The following DOCK1 variants were observed in gnomAD, a reference collection of about 807,000 sequenced individuals.
DOCK1 encodes the protein dedicator of cytokinesis protein 1.
Under a neutral mutation model 262.7 loss-of-function variants are expected in DOCK1, and 138 were observed. The observed-to-expected ratio is 0.53, with a 90% CI of 0.46 to 0.61. DOCK1 has a LOEUF of 0.61. DOCK1 is among the 20% of genes least tolerant of loss of function. The probability of loss-of-function intolerance (pLI) is 0.00; values close to 1 mark genes in which losing one functional copy is unlikely to be tolerated. For synonymous variants in DOCK1, 866 were observed against 867.4 expected, an observed-to-expected ratio of 1.00 and a Z score of 0.03; for missense variants, 1,908 against 2,370.7, an observed-to-expected ratio of 0.80 and a Z score of 4.05.
intron 28 of DOCK1, among the ~76,000 whole-genome samples, chr10:127,249,010 C>A (rs1431990186): frequency 6.6e-6 from 1 of 152,086 alleles, no homozygotes; most frequent in African/African-American, 2.4e-5. Context: ...CCGAAACCTG[C>A]CCCACCACCC....
At chr10:127,290,388 G>C (rs1460139480) in intron 29 of DOCK1, among the ~76,000 whole-genome samples, 1 of 152,140 alleles carries the variant, frequency 6.6e-6, no homozygotes, top group East Asian at 1.9e-4. Context: ...GTAGTTTTGA[G>C]TGGAAGGCAG....
Position 127,018,861 on chromosome 10 carries a change from C to T in DOCK1, c.1327+26C>T, listed in dbSNP as rs756134921. The T allele has an allele frequency of 4.0e-5, 65 of 1,610,916 alleles. No individual in the cohort carries two copies. In the East Asian group the frequency reaches 1.4e-3, roughly 34 times the overall value. ...GTAAGAACTGGCTTGTTCAGGGCTT[C>T]TCAGCATGGCATGGGGGTAGCCGGC... On this transcript the variant is annotated intron_variant, in intron 13 of 51. Transcript: ENST00000623213.
intron 48 of DOCK1, among the ~76,000 whole-genome samples, chr10:127,436,970 C>A (rs2069727892): frequency 6.6e-6 from 1 of 151,988 alleles, no homozygotes; most frequent in Non-Finnish European, 1.5e-5. Flanking sequence ...TGTGGGAAAT[C>A]CTAGGTTGTG....
chr10:127,098,202 G>C (rs1333762379), intron 23 of DOCK1, among the ~76,000 whole-genome samples: 1 of 152,188 alleles, frequency 6.6e-6, no homozygotes, highest in Non-Finnish European at 1.5e-5. Context: ...GATCTTCACT[G>C]ATTTACAAAA....
chr10:127,444,309 G>A (rs370861494), intron 50 of DOCK1, 30 bp downstream of exon 50: 68 of 1,561,016 alleles, frequency 4.4e-5, no homozygotes, highest in Middle Eastern at 1.7e-4. Context: ...CATACGAATC[G>A]TGCTATAGCT....
At chr10:127,232,633 A>T (rs892265697) in intron 27 of DOCK1, among the ~76,000 whole-genome samples, 1 of 152,170 alleles carries the variant, frequency 6.6e-6, no homozygotes, top group Non-Finnish European at 1.5e-5. Flanking sequence ...CCCTGTTTCC[A>T]TTTAACCAAT....
At chr10:127,163,709 C>T (rs948696776) in intron 27 of DOCK1, among the ~76,000 whole-genome samples, 2 of 151,908 alleles carry the variant, frequency 1.3e-5, no homozygotes, top group South Asian at 4.1e-4. Flanking sequence ...AAAGATCAGT[C>T]GTCTTCTGCT....
intron 40 of DOCK1, among the ~76,000 whole-genome samples, chr10:127,406,743 A>G (rs11017908): frequency 0.2 from 29,989 of 152,198 alleles, 3,017 homozygotes; most frequent in East Asian, 0.25. Flanking sequence ...TTCATGTTCA[A>G]AAGGATCACT....
At chr10:127,032,446 C>A in intron 18 of DOCK1, 126 bp downstream of exon 18, 1 of 995,846 alleles carries the variant, frequency 1.0e-6, no homozygotes, top group Non-Finnish European at 1.4e-6. Context: ...GCATTCATTG[C>A]ATCGGGCTGT....
At position 127,447,479 on chromosome 10, in the gene DOCK1, G is replaced by A. The variant is rs1159610082; in HGVS notation, c.5499G>A (p.Gly1833=). 6.2e-7 allele frequency: 1 copy of A among 1,613,720 alleles called. No individual in the cohort carries two copies. Among genetic ancestry groups the A allele is most frequent in the African/African-American group, 1.3e-5 (1 of 74,930 alleles). The change falls in exon 51 of 52, where the codon GGG becomes GGA. Residue 1833 remains glycine (G), a synonymous_variant. Coordinates refer to ENST00000623213, the MANE Select transcript of DOCK1 (RefSeq NM_001290223.2). ...TCAAAGGCAGCGTGGCAGATTACGGGAATTTGATGGAAAACCAGGACTTGC... is the reference window on the plus strand; with the variant it reads ...TCAAAGGCAGCGTGGCAGATTACGGAAATTTGATGGAAAACCAGGACTTGC... ...LPLKGSVADY[G]NLMENQDLLG...
chr10:127,191,218 C>A (rs1476068250), intron 27 of DOCK1, among the ~76,000 whole-genome samples: 2 of 152,156 alleles, frequency 1.3e-5, no homozygotes, highest in Non-Finnish European at 2.9e-5. Context: ...AATCTCCTAT[C>A]CTGATTCTAC....
intron 27 of DOCK1, among the ~76,000 whole-genome samples, chr10:127,174,879 C>A (rs1363415195): frequency 6.6e-6 from 1 of 152,176 alleles, no homozygotes; most frequent in East Asian, 1.9e-4. Flanking sequence ...ATATTTTGGA[C>A]TGGCATATGT....
rs1590799930 is a variant in DOCK1, at chr10:127,381,231, A to G, written c.3717-47A>G. ...TTAGCTCTTGCAATCCTCAACACAA[A>G]TTATTTAGTGACATTTTAAGAACAT... On this transcript the variant is annotated intron_variant, in intron 36 of 51. Coordinates refer to ENST00000623213, the MANE Select transcript of DOCK1 (RefSeq NM_001290223.2). 1.0e-5 allele frequency: 16 copies of G among 1,531,740 alleles called. No individual in the cohort carries two copies. The East Asian group carries it at 3.7e-4, about 35-fold the overall frequency. 94.9% of individuals were successfully genotyped at this position (1,531,740 alleles called of 1,614,324 possible). A position where few individuals can be genotyped will look rare whatever the true frequency, so the allele number is the denominator to read the frequency against.
chr10:127,129,460 C>T (rs2050172746), intron 27 of DOCK1, among the ~76,000 whole-genome samples: 1 of 152,078 alleles, frequency 6.6e-6, no homozygotes, highest in Non-Finnish European at 1.5e-5. Flanking sequence ...CCTGCCTTTT[C>T]TTATTCTCCA....
intron 23 of DOCK1, among the ~76,000 whole-genome samples, chr10:127,095,595 A>G (rs1432572234): frequency 6.6e-6 from 1 of 152,122 alleles, no homozygotes; most frequent in African/African-American, 2.4e-5. Context: ...TGCTGGGCTG[A>G]CCCAAAGGCC....
chr10:127,240,172 G>A (rs926849057), intron 27 of DOCK1, among the ~76,000 whole-genome samples: 2 of 151,646 alleles, frequency 1.3e-5, no homozygotes, highest in African/African-American at 2.4e-5. Flanking sequence ...TAAGCACTCA[G>A]TTTAAATTTA....
chr10:127,447,691 C>T (rs977872473), intron 51 of DOCK1, 146 bp downstream of exon 51: 4 of 1,309,086 alleles, frequency 3.1e-6, no homozygotes, highest in Admixed American at 2.8e-5. Context: ...TTTGATTTTG[C>T]AAAAAGATAT....
At chr10:127,079,998 A>C (rs2046809023) in intron 23 of DOCK1, among the ~76,000 whole-genome samples, 1 of 152,128 alleles carries the variant, frequency 6.6e-6, no homozygotes, top group Admixed American at 6.5e-5. Flanking sequence ...AATTCAGTGG[A>C]GCAAGGTCTC....
intron 23 of DOCK1, among the ~76,000 whole-genome samples, chr10:127,090,069 G>A (rs1015169845): frequency 2.0e-5 from 3 of 152,084 alleles, no homozygotes; most frequent in African/African-American, 4.8e-5. Flanking sequence ...AGGTGTGGGC[G>A]GCAGTTCTGG....
Sources: gnomAD v4.1 joint callset for allele counts (sites outside exome capture counted in the v4.1 genomes callset) on GRCh38, gnomAD v4.1.1 for gene constraint, MANE v1.5 for transcripts, NCBI Gene and HGNC (gene_info 2026-07-23, HGNC 2026-07-21) for gene names.